Variants in AOPEP observed in about 807,000 individuals in gnomAD.
The protein encoded by AOPEP is aminopeptidase O (putative), also known as aminopeptidase O.
In AOPEP, 77 loss-of-function variants were observed where a neutral mutation model predicts 98.1. The ratio of observed to expected loss-of-function variants is 0.78; its 90% CI spans 0.65 to 0.95. The LOEUF (loss-of-function observed/expected upper bound fraction) is 0.95, where lower values mean the gene tolerates loss of function less well. AOPEP is among the 40% of genes least tolerant of loss of function. The probability of loss-of-function intolerance (pLI) is 0.00; values close to 1 mark genes in which losing one functional copy is unlikely to be tolerated. For missense variants in AOPEP, 1,024 were observed against 1,024.7 expected (o/e 1.00, Z 0.01); for synonymous variants, 346 against 365.3 (o/e 0.95, Z 0.60).
intron 16 of AOPEP, chr9:95,085,092 GA>G (rs1471789362): frequency 2.7e-6 from 1 of 373,164 alleles, no homozygotes; most frequent in Non-Finnish European, 5.5e-6. Flanking sequence ...CCAACTAAAC[GA>G]ACAACAAACA....
At chr9:95,129,718 G>A in the AOPEP span, among the ~76,000 whole-genome samples, 10 of 152,166 alleles carry the variant, frequency 6.6e-5, no homozygotes, top group East Asian at 9.6e-4. Context: ...ATTTCAACTC[G>A]AGGGGAGCTA....
intron 14 of AOPEP, among the ~76,000 whole-genome samples, chr9:95,073,614 T>G (rs974585802): frequency 2.6e-4 from 40 of 152,192 alleles, no homozygotes; most frequent in African/African-American, 9.4e-4. Flanking sequence ...GCCACCACTT[T>G]GGGAGGCTGA....
At chr9:94,755,551 C>G (rs1386316602) in intron 1 of AOPEP, among the ~76,000 whole-genome samples, 2 of 152,178 alleles carry the variant, frequency 1.3e-5, no homozygotes, top group Non-Finnish European at 2.9e-5. Flanking sequence ...TCTTCAGAAT[C>G]TTCTGGGGCT....
chr9:94,760,375 C>A lies in AOPEP; in HGVS notation c.592C>A (p.Arg198Ser). The change falls in exon 2 of 17, where the codon CGT becomes AGT. Residue 198 changes from arginine (R) to serine (S), a missense_variant. Arg to Ser is a moderately radical substitution (Grantham distance 110). Coordinates refer to ENST00000375315, the MANE Select transcript of AOPEP (RefSeq NM_001193329.3). ...TGAACTTGTGACTTTGCCTGCAAAT[C>A]GTTGGAGGGAGCAGTTAGACTATTA... ...VRELVTLPAN[R>S]WREQLDYYAR... is the part of the protein sequence containing the mutation. 3 of 1,614,082 alleles carry A rather than the reference C, an allele frequency of 1.9e-6. No individual in the cohort carries two copies. The highest frequency in any genetic ancestry group is 2.5e-6 in the Non-Finnish European group (3 of 1,180,012).
intron 11 of AOPEP, among the ~76,000 whole-genome samples, chr9:94,997,990 C>G (rs979951590): frequency 6.6e-6 from 1 of 152,074 alleles, no homozygotes; most frequent in Non-Finnish European, 1.5e-5. Flanking sequence ...TGAGCCACCA[C>G]ACACAGCTGA....
At chr9:94,730,631 A>T (rs1830312851) in intron 1 of AOPEP, among the ~76,000 whole-genome samples, 1 of 152,236 alleles carries the variant, frequency 6.6e-6, no homozygotes, top group African/African-American at 2.4e-5. Context: ...CTATCTTCGG[A>T]CAGAATGAGA....
chr9:95,086,331 G>A (rs558853451), intron 16 of AOPEP: 86 of 985,436 alleles, frequency 8.7e-5, no homozygotes, highest in East Asian at 1.1e-4. Flanking sequence ...GCAGGGGGCC[G>A]TTTGCCCCCA....
At chr9:95,111,537 G>A in the AOPEP span, 1 of 1,614,148 alleles carries the variant, frequency 6.2e-7, no homozygotes, top group South Asian at 1.1e-5. Context: ...AGGGCCGTGG[G>A]GGGTTCGGCT....
At chr9:95,097,164 GA>G in the AOPEP span, among the ~76,000 whole-genome samples, 2 of 152,228 alleles carry the variant, frequency 1.3e-5, no homozygotes, top group Non-Finnish European at 2.9e-5. Context: ...ACATCTTTCT[GA>G]AAAGGCTCAC....
rs114555055 is a variant in AOPEP, at chr9:94,937,329, G to A, written c.1661+8798G>A. On this transcript the variant is annotated intron_variant, in intron 7 of 16. Transcript: ENST00000375315. ...TCCACAGTGTGACAGCCATCTTCTC[G>A]CTGTGTCCTCAAGCGGCCTTTTCTC... Among the ~76,000 whole-genome samples the A allele has an allele frequency of 2.6e-3, 391 of 152,326 alleles. 1 individual carries two copies. Among genetic ancestry groups the A allele is most frequent in the African/African-American group, 8.7e-3 (360 of 41,590 alleles).
chr9:94,860,093 G>C (rs1374162903), intron 5 of AOPEP, among the ~76,000 whole-genome samples: 1 of 152,190 alleles, frequency 6.6e-6, no homozygotes, highest in Non-Finnish European at 1.5e-5. Context: ...CTCCTGGCAG[G>C]GCCTTGGGGC....
At chr9:95,107,497 C>T in the AOPEP span, 1 of 604,434 alleles carries the variant, frequency 1.7e-6, no homozygotes, top group Non-Finnish European at 2.9e-6. Context: ...AGTCAGGGCA[C>T]CATGCCAGGA....
chr9:95,138,234 G>C, the AOPEP span, among the ~76,000 whole-genome samples: 3 of 152,236 alleles, frequency 2.0e-5, no homozygotes, highest in Admixed American at 1.3e-4. Context: ...AGTGAGTACA[G>C]GACCACGTTG....
At chr9:94,975,978 A>G (rs1016009046) in intron 10 of AOPEP, among the ~76,000 whole-genome samples, 1 of 151,966 alleles carries the variant, frequency 6.6e-6, no homozygotes. Flanking sequence ...TTCCATTTCT[A>G]TTGGCTTTGC....
chr9:95,094,542 G>A, the AOPEP span, among the ~76,000 whole-genome samples: 1 of 152,212 alleles, frequency 6.6e-6, no homozygotes, highest in East Asian at 1.9e-4. Context: ...TTTGAGGCTT[G>A]CCTGTTTTAG....
chr9:94,962,591 T>G (rs2058918555), intron 9 of AOPEP, among the ~76,000 whole-genome samples: 3 of 152,248 alleles, frequency 2.0e-5, no homozygotes, highest in Admixed American at 1.3e-4. Context: ...TTGTGTAAAT[T>G]GCTAGTTAGT....
intron 13 of AOPEP, among the ~76,000 whole-genome samples, chr9:95,011,775 A>G (rs753995047): frequency 6.6e-5 from 10 of 152,108 alleles, no homozygotes; most frequent in Non-Finnish European, 1.2e-4. Context: ...TCCTGCCACT[A>G]CACACCAGCC....
the AOPEP span, chr9:95,110,475 T>TAATC: frequency 9.7e-7 from 1 of 1,030,312 alleles, no homozygotes; most frequent in Non-Finnish European, 1.2e-6. Flanking sequence ...GCTTTCTTTT[T>TAATC]AATCAGACAG....
rs1839368190 is a variant in AOPEP, at chr9:94,765,458, A to AATAATAATAATG, written c.797+4889_797+4890insGATAATAATAAT. ...CTACAAAAATAATAATAATAATAATAATAATAATAATAATAATAATAAGTC... is the reference window on the plus strand; with the variant it reads ...CTACAAAAATAATAATAATAATAATAATAATAATAATGATAATAATAATAATAATAATAAGTC... On this transcript the variant is annotated intron_variant, in intron 2 of 16. Transcript: ENST00000375315. Among the ~76,000 whole-genome samples, 3 of 146,346 alleles carry AATAATAATAATG rather than the reference A, an allele frequency of 2.0e-5. No homozygotes were observed. The South Asian group carries it at 6.4e-4, about 31-fold the overall frequency.
Sources: allele counts gnomAD v4.1 joint callset (sites outside exome capture counted in the v4.1 genomes callset), GRCh38; gene constraint gnomAD v4.1.1; transcripts MANE v1.5; gene names NCBI Gene and HGNC (gene_info 2026-07-23, HGNC 2026-07-21).